The following ZNF263 variants were observed in gnomAD, a reference collection of about 807,000 sequenced individuals.
The protein encoded by ZNF263 is zinc finger protein 263, also known as zinc finger protein FPM315.
A neutral mutation model predicts 63.1 loss-of-function variants in ZNF263; 49 were observed. The observed-to-expected ratio is 0.78, with a 90% CI of 0.62 to 0.99. The LOEUF (loss-of-function observed/expected upper bound fraction) is 0.99, where lower values mean the gene tolerates loss of function less well. ZNF263 is among the 50% of genes least tolerant of loss of function. The pLI, the probability that ZNF263 is intolerant of heterozygous loss-of-function variation, is 0.00. For synonymous variants in ZNF263, 352 were observed against 324.2 expected, an observed-to-expected ratio of 1.09 and a Z score of -0.92; for missense variants, 872 against 854.8, an observed-to-expected ratio of 1.02 and a Z score of -0.25.
At chr16:3,299,633 G>T in intron 2 of ZNF263, 1 of 1,564,500 alleles carries the variant, frequency 6.4e-7, no homozygotes, top group Non-Finnish European at 8.6e-7. Flanking sequence ...TTCATTGGTT[G>T]AATCAAGGTT....
Position 3,291,074 on chromosome 16 carries a change from A to G in ZNF263, c.*516A>G. On this transcript the variant is annotated 3_prime_UTR_variant, in exon 6 of 6. Coordinates refer to ENST00000219069, the MANE Select transcript of ZNF263 (RefSeq NM_005741.5). Reference sequence around the variant, plus strand: ...TCCCGAAGGCCCCAGTTGGGAAGCCATGGGCAGTCCAGATCAAGCCACCAC... The same window carrying G: ...TCCCGAAGGCCCCAGTTGGGAAGCCGTGGGCAGTCCAGATCAAGCCACCAC... 2.0e-6 allele frequency: 2 copies of G among 993,648 alleles called. No individual in the cohort carries two copies. The highest frequency in any genetic ancestry group is 2.4e-6 in the Non-Finnish European group (2 of 833,924). The allele number at this position is 993,648 out of a possible 1,614,324, so 61.6% of individuals were successfully genotyped here. A position where few individuals can be genotyped will look rare whatever the true frequency, so the allele number is the denominator to read the frequency against.
chr16:3,290,479 C>T lies in ZNF263; in HGVS notation c.1973C>T (p.Pro658Leu), dbSNP rs1347259892. 6.2e-7 allele frequency: 1 copy of T among 1,613,996 alleles called. No individual in the cohort carries two copies. The highest frequency in any genetic ancestry group is 8.5e-7 in the Non-Finnish European group (1 of 1,179,988). ...RHLRTHTGERPYKCSECGESF... is the reference protein window; with the variant it reads ...RHLRTHTGERLYKCSECGESF... ...CTGAGAACGCATACGGGAGAGAGAC[C>T]CTATAAATGTTCTGAATGTGGAGAA... is the stretch of plus-strand genomic sequence containing the variant. Residue 658 changes from proline (P) to leucine (L), a missense_variant, in exon 6 of 6, where the codon CCC becomes CTC. Pro to Leu is a moderately conservative substitution (Grantham distance 98). Transcript: ENST00000219069.
Position 3,298,807 on chromosome 16 carries a change from A to G in ZNF263, c.152-299A>G, listed in dbSNP as rs571576058. 2.0e-5 allele frequency: 8 copies of G among 395,352 alleles called. No individual in the cohort carries two copies. The South Asian group carries it at 7.1e-4, about 35-fold the overall frequency. 24.5% of individuals were successfully genotyped at this position (395,352 alleles called of 1,614,324 possible). ...ATGAATTTATGAAACACAAATTTAA[A>G]TAAATTTAAAGAAACACAAATGTAT... On this transcript the variant is annotated intron_variant, in intron 1 of 2. Transcript: ENST00000574674.
rs377543049 is a variant in ZNF263, at chr16:3,299,719, G to A, written c.*46+563G>A. ...TAGGGATTCAGAGGAAGGATGAGCC[G>A]GGCAACTGTCCAGAAGTAACAATGC... On this transcript the variant is annotated intron_variant, in intron 2 of 2. Transcript: ENST00000574674. 99 of 1,535,260 alleles carry A rather than the reference G, an allele frequency of 6.4e-5. No homozygotes were observed. The Admixed American group carries it at 6.8e-4, about 11-fold the overall frequency.
intron 2 of ZNF263, chr16:3,300,557 T>C (rs1460343401): frequency 1.2e-6 from 2 of 1,608,700 alleles, no homozygotes; most frequent in South Asian, 1.1e-5. Flanking sequence ...TCAATTCTAC[T>C]TAGAACCTTC....
rs1016385257 is a variant in ZNF263, at chr16:3,290,963, G to C, written c.*405G>C. ...ATTCAGTAGGAGCATTTGGGCTTCC[G>C]GGGCCCCTGAGACCAAAGAAGAGGG... On this transcript the variant is annotated 3_prime_UTR_variant, in exon 6 of 6. Transcript: ENST00000219069. The C allele has an allele frequency of 1.3e-5, 13 of 1,000,118 alleles. No homozygotes were observed. In the African/African-American group the frequency reaches 1.7e-4, roughly 13 times the overall value. The allele number at this position is 1,000,118 out of a possible 1,614,324, so 62.0% of individuals were successfully genotyped here.
In ZNF263 at chr16:3,288,534, T is replaced by C. The variant is rs761712122; in HGVS notation, c.850T>C (p.Cys284Arg). 6.2e-7 allele frequency: 1 copy of C among 1,612,310 alleles called. No individual in the cohort carries two copies. Among genetic ancestry groups the C allele is most frequent in the South Asian group, 1.1e-5 (1 of 90,986 alleles). ...GCTATGGGATCCCAGTGTCCAGAGCTGCAAGGAGGGCCTGAGCCCCAGAGG... is the reference window on the plus strand; with the variant it reads ...GCTATGGGATCCCAGTGTCCAGAGCCGCAAGGAGGGCCTGAGCCCCAGAGG... ...GKLWDPSVQS[C>R]KEGLSPRGPA... The change falls in exon 5 of 6, where the codon TGC (cysteine) becomes CGC (arginine). Residue 284 changes from cysteine (C) to arginine (R), a missense_variant. Transcript: ENST00000219069.
At chr16:3,289,269 T>A in intron 5 of ZNF263, 124 bp from the exon 6 acceptor site, 1 of 999,266 alleles carries the variant, frequency 1.0e-6, no homozygotes, top group Non-Finnish European at 1.4e-6. Flanking sequence ...TAGGAGAGGA[T>A]GGGATTCTGA....
downstream of ZNF263, among the ~76,000 whole-genome samples, chr16:3,292,564 T>A (rs1219152616): frequency 6.6e-6 from 1 of 152,210 alleles, no homozygotes; most frequent in African/African-American, 2.4e-5. Flanking sequence ...AATGTAAAGC[T>A]GGTGTTCCTA....
chr16:3,300,753 T>A (rs1959917691), intron 2 of ZNF263: 2 of 1,395,832 alleles, frequency 1.4e-6, no homozygotes, highest in South Asian at 3.1e-5. Flanking sequence ...TGGAGGATAA[T>A]GGACTGAAGG....
In ZNF263 at chr16:3,291,330, G is replaced by A; in HGVS notation, c.*772G>A. On this transcript the variant is annotated 3_prime_UTR_variant, in exon 6 of 6. Coordinates refer to ENST00000219069, the MANE Select transcript of ZNF263 (RefSeq NM_005741.5). ...TGGAGTCTTGTTCCTGACTCCAGAG[G>A]AACGAGAGCATTCCAGGAAAGAGAG... 1 of 985,380 alleles carries A rather than the reference G, an allele frequency of 1.0e-6. No homozygotes were observed. The highest frequency in any genetic ancestry group is 1.2e-6 in the Non-Finnish European group (1 of 829,906). 61.0% of individuals were successfully genotyped at this position (985,380 alleles called of 1,614,324 possible).
downstream of ZNF263, among the ~76,000 whole-genome samples, chr16:3,294,867 G>T (rs1273939274): frequency 6.6e-6 from 1 of 152,164 alleles, no homozygotes; most frequent in Non-Finnish European, 1.5e-5. Context: ...AGCGAGAACG[G>T]GAAAGAAAAA....
downstream of ZNF263, among the ~76,000 whole-genome samples, chr16:3,294,961 C>T (rs1179019603): frequency 2.6e-5 from 4 of 152,280 alleles, no homozygotes; most frequent in South Asian, 8.3e-4. Flanking sequence ...TTCAGGGAGG[C>T]CAGTTCCCCA....
chr16:3,285,873 T>G, intron 3 of ZNF263, 119 bp downstream of exon 3: 1 of 1,525,300 alleles, frequency 6.6e-7, no homozygotes, highest in South Asian at 1.1e-5. Flanking sequence ...CCCACTGCTT[T>G]GTCTATTTCA....
At position 3,285,122 on chromosome 16, in the gene ZNF263, C is replaced by A; in HGVS notation, c.451C>A (p.Arg151=). 6.2e-7 allele frequency: 1 copy of A among 1,614,112 alleles called. No individual in the cohort carries two copies. Among genetic ancestry groups the A allele is most frequent in the Non-Finnish European group, 8.5e-7 (1 of 1,180,028 alleles). ...LEEPLPLETA[R]ESPSFKLEPM... is the part of the protein sequence containing the mutation. Reference sequence around the variant, plus strand: ...GGAGCCTTTGCCTCTGGAAACAGCACGAGAGTCACCGAGCTTCAAGCTGGA... The same window carrying A: ...GGAGCCTTTGCCTCTGGAAACAGCAAGAGAGTCACCGAGCTTCAAGCTGGA... The change falls in exon 2 of 6, where the codon CGA becomes AGA. Residue 151 remains arginine (R), a synonymous_variant. Coordinates refer to ENST00000219069, the MANE Select transcript of ZNF263 (RefSeq NM_005741.5).
Position 3,290,645 on chromosome 16 carries a change from C to A in ZNF263, c.*87C>A. ...GAGCTGGTATTCCCTGCCCAGCCGA[C>A]CAAATGACCTCTGCATTCTTCAGGT... is the stretch of plus-strand genomic sequence containing the variant. On this transcript the variant is annotated 3_prime_UTR_variant, in exon 6 of 6. Coordinates refer to ENST00000219069, the MANE Select transcript of ZNF263 (RefSeq NM_005741.5). The A allele has an allele frequency of 6.7e-7, 1 of 1,494,244 alleles. No homozygotes were observed. The highest frequency in any genetic ancestry group is 8.8e-7 in the Non-Finnish European group (1 of 1,130,628). 92.6% of individuals were successfully genotyped at this position (1,494,244 alleles called of 1,614,324 possible).
At chr16:3,284,576 G>A (rs1959269099) in intron 1 of ZNF263, among the ~76,000 whole-genome samples, 1 of 152,224 alleles carries the variant, frequency 6.6e-6, no homozygotes, top group East Asian at 1.9e-4. Context: ...AGGGCTTAGA[G>A]GGAGAGCAGC....
chr16:3,297,510 G>A (rs1959789339), intron 1 of ZNF263, among the ~76,000 whole-genome samples: 1 of 134,072 alleles, frequency 7.5e-6, no homozygotes, highest in South Asian at 2.4e-4. Flanking sequence ...TGTCGCCCAG[G>A]CTGGAGTGCA....
chr16:3,300,002 T>C, intron 2 of ZNF263: 4 of 1,614,196 alleles, frequency 2.5e-6, no homozygotes, highest in Non-Finnish European at 3.4e-6. Flanking sequence ...TCTTTGTTTA[T>C]TTTCTTCCCT....
Sources: gnomAD v4.1 joint callset for allele counts (sites outside exome capture counted in the v4.1 genomes callset) on GRCh38, gnomAD v4.1.1 for gene constraint, MANE v1.5 for transcripts, NCBI Gene and HGNC (gene_info 2026-07-23, HGNC 2026-07-21) for gene names.